Variants in TRIM55 observed in about 807,000 individuals in gnomAD.
TRIM55 encodes tripartite motif containing 55.
TRIM55 carries 50 observed loss-of-function variants against 60.9 expected under a neutral mutation model. The observed-to-expected ratio is 0.82, with a 90% CI of 0.65 to 1.04. The LOEUF (loss-of-function observed/expected upper bound fraction) is 1.04, where lower values mean the gene tolerates loss of function less well. Among genes scored for constraint, TRIM55 ranks in the 50% least tolerant of loss-of-function variants. TRIM55 has a pLI of 0.00. For missense variants in TRIM55, 681 were observed against 666.9 expected (o/e 1.02, Z -0.23); for synonymous variants, 237 against 238.1 (o/e 1.00, Z 0.04).
At chr8:66,123,469 C>T (rs991509165), upstream of TRIM55, among the ~76,000 whole-genome samples, 1 of 152,096 alleles carries the variant, frequency 6.6e-6, no homozygotes, top group African/African-American at 2.4e-5. Context: ...TGGGCTCTTA[C>T]TCCTGTGGGA....
the TRIM55 span, among the ~76,000 whole-genome samples, chr8:66,119,644 C>T: frequency 4.6e-5 from 7 of 152,138 alleles, no homozygotes; most frequent in Non-Finnish European, 8.8e-5. Flanking sequence ...CATTCTGGGG[C>T]GAGTGGGGAT....
Position 66,135,008 on chromosome 8 carries a change from C to T in TRIM55, c.360C>T (p.Asp120=), listed in dbSNP as rs778894161. The change falls in exon 3 of 10, where the codon GAC becomes GAT. Residue 120 remains aspartate, a synonymous_variant. Coordinates refer to ENST00000315962, the MANE Select transcript of TRIM55 (RefSeq NM_184085.2). ...CTCCCAGGCCAGAAAAGAAATCCGACCAGCCCATGTGCGAGGAACATGAAG... is the reference window on the plus strand; with the variant it reads ...CTCCCAGGCCAGAAAAGAAATCCGATCAGCCCATGTGCGAGGAACATGAAG... ...QESTRPEKKS[D]QPMCEEHEEE... The T allele has an allele frequency of 6.2e-7, 1 of 1,614,066 alleles. No homozygotes were observed. Among genetic ancestry groups the T allele is most frequent in the African/African-American group, 1.3e-5 (1 of 75,030 alleles).
In TRIM55 at chr8:66,127,240, C is replaced by T. The variant is rs369463294; in HGVS notation, c.-29C>T. 7.5e-6 allele frequency: 12 copies of T among 1,602,794 alleles called. No individual in the cohort carries two copies. The African/African-American group carries it at 1.2e-4, about 16-fold the overall frequency. ...CTGGAGCCACTCGCAGCACCCTTCC[C>T]TGGCAGCACACTTGGGGACAGCGAG... On this transcript the variant is annotated 5_prime_UTR_variant, in exon 1 of 10. Coordinates refer to ENST00000315962, the MANE Select transcript of TRIM55 (RefSeq NM_184085.2).
intron 9 of TRIM55, among the ~76,000 whole-genome samples, chr8:66,164,706 G>T (rs576060113): frequency 6.6e-6 from 1 of 152,206 alleles, no homozygotes; most frequent in Non-Finnish European, 1.5e-5. Context: ...TCAAATAGCA[G>T]CGATGCAGAG....
intron 3 of TRIM55, among the ~76,000 whole-genome samples, chr8:66,135,519 C>T (rs1809433198): frequency 6.6e-6 from 1 of 152,210 alleles, no homozygotes; most frequent in East Asian, 1.9e-4. Context: ...GTTTAGACTA[C>T]AGATAAGAAA....
intron 4 of TRIM55, among the ~76,000 whole-genome samples, chr8:66,142,577 T>C (rs536788469): frequency 6.6e-5 from 10 of 152,208 alleles, no homozygotes; most frequent in Non-Finnish European, 1.3e-4. Context: ...TTCTAAATGA[T>C]CTGGCTTAGC....
At chr8:66,122,820 A>G (rs1464788986), upstream of TRIM55, among the ~76,000 whole-genome samples, 6 of 152,230 alleles carry the variant, frequency 3.9e-5, no homozygotes, top group East Asian at 9.6e-4. Context: ...TCTTTGTAGC[A>G]ATAAGATACC....
intron 9 of TRIM55, among the ~76,000 whole-genome samples, chr8:66,161,552 G>C (rs1427747043): frequency 6.6e-6 from 1 of 151,888 alleles, no homozygotes; most frequent in Non-Finnish European, 1.5e-5. Context: ...CTTTTTTCTA[G>C]TTCTATGAAG....
chr8:66,127,898 C>T (rs993621319), intron 1 of TRIM55, among the ~76,000 whole-genome samples: 13 of 152,114 alleles, frequency 8.5e-5, no homozygotes, highest in African/African-American at 2.7e-4. Context: ...AAGAAAAACA[C>T]GTTTCTTTTA....
chr8:66,147,942 G>A (rs977908061), intron 4 of TRIM55, among the ~76,000 whole-genome samples: 5 of 151,888 alleles, frequency 3.3e-5, no homozygotes, highest in African/African-American at 9.7e-5. Context: ...TTCACATAAA[G>A]GAAGAAAGCA....
chr8:66,154,240 C>T lies in TRIM55; in HGVS notation c.1430C>T (p.Ser477Leu), dbSNP rs767432272. 5.0e-6 allele frequency: 8 copies of T among 1,614,040 alleles called. No homozygotes were observed. The highest frequency in any genetic ancestry group is 1.6e-4 in the Middle Eastern group (1 of 6,062). Residue 477 changes from serine to leucine, a missense_variant, in exon 9 of 10, where the codon TCG (serine) becomes TTG (leucine). Transcript: ENST00000315962. ...ATAGGGCCTCCAGGTTCTGAGGATT[C>T]GAATGTACGGAAGGCAGAAGTGGCA... The part of the protein sequence containing the change: ...GQIGPPGSED[S>L]NVRKAEVAAA...
intron 9 of TRIM55, among the ~76,000 whole-genome samples, chr8:66,170,622 A>C (rs1416322545): frequency 6.6e-6 from 1 of 152,228 alleles, no homozygotes; most frequent in Non-Finnish European, 1.5e-5. Flanking sequence ...TCACATTAAA[A>C]AAAAATACCC....
At chr8:66,141,965 A>G (rs372258741) in intron 4 of TRIM55, among the ~76,000 whole-genome samples, 12 of 152,342 alleles carry the variant, frequency 7.9e-5, no homozygotes, top group East Asian at 5.8e-4. Context: ...GCAATATAAC[A>G]TATGTTTAAA....
intron 2 of TRIM55, among the ~76,000 whole-genome samples, chr8:66,129,005 G>A (rs1210916758): frequency 6.6e-6 from 1 of 152,108 alleles, no homozygotes; most frequent in African/African-American, 2.4e-5. Context: ...TCTAAGGGAA[G>A]TCACAAAGCA....
upstream of TRIM55, among the ~76,000 whole-genome samples, chr8:66,123,508 G>C (rs76429079): frequency 0.033 from 5,049 of 152,058 alleles, 131 homozygotes; most frequent in Middle Eastern, 0.078. Flanking sequence ...GTAGCCTCCA[G>C]GGACAGTTCT....
At chr8:66,145,865 G>T (rs543108467) in intron 4 of TRIM55, among the ~76,000 whole-genome samples, 1 of 152,286 alleles carries the variant, frequency 6.6e-6, no homozygotes, top group African/African-American at 2.4e-5. Context: ...ATTTTTTAAA[G>T]TTACTTAAAA....
chr8:66,162,230 G>C (rs1003105709), intron 9 of TRIM55, among the ~76,000 whole-genome samples: 2 of 151,970 alleles, frequency 1.3e-5, no homozygotes, highest in African/African-American at 2.4e-5. Flanking sequence ...AATCATAAAG[G>C]GATGCTGGAT....
rs149301931 is a variant in TRIM55, at chr8:66,137,115, C to T, written c.528C>T (p.Ile176=). The T allele has an allele frequency of 8.1e-6, 13 of 1,613,836 alleles. No individual in the cohort carries two copies. The highest frequency in any genetic ancestry group is 1.6e-4 in the Middle Eastern group (1 of 6,080). Residue 176 remains isoleucine, a synonymous_variant, in exon 4 of 10, where the codon ATC becomes ATT. Coordinates refer to ENST00000315962, the MANE Select transcript of TRIM55 (RefSeq NM_184085.2). The part of the protein sequence containing the change: ...QRQKSELSDG[I]AILVGSNDRV... Reference sequence around the variant, plus strand: ...ATTAGTCTGAGCTCAGTGATGGCATCGCCATCCTCGTGGGCAGCAACGATC... The same window carrying T: ...ATTAGTCTGAGCTCAGTGATGGCATTGCCATCCTCGTGGGCAGCAACGATC...
At chr8:66,153,040 G>A (rs138906318) in intron 8 of TRIM55, among the ~76,000 whole-genome samples, 1,805 of 151,916 alleles carry the variant, frequency 0.012, 38 homozygotes, top group African/African-American at 0.041. Context: ...GTAGGGTATA[G>A]GATGAGAAAT....
Sources: gnomAD v4.1 joint callset for allele counts (sites outside exome capture counted in the v4.1 genomes callset) on GRCh38, gnomAD v4.1.1 for gene constraint, MANE v1.5 for transcripts, NCBI Gene and HGNC (gene_info 2026-07-23, HGNC 2026-07-21) for gene names.